The following LRRC7 variants were observed in gnomAD, a reference collection of about 807,000 sequenced individuals.
LRRC7 encodes the protein leucine-rich repeat-containing protein 7.
Under a neutral mutation model 175.7 loss-of-function variants are expected in LRRC7, and 23 were observed. That is an observed-to-expected ratio of 0.13 (90% CI 0.09 to 0.19). The LOEUF (loss-of-function observed/expected upper bound fraction) is 0.19, where lower values mean the gene tolerates loss of function less well. Among genes scored for constraint, LRRC7 ranks in the 10% least tolerant of loss-of-function variants. The pLI is 1.00. For missense variants in LRRC7, 1,354 were observed against 1,904.7 expected, an observed-to-expected ratio of 0.71 and a Z score of 5.38; for synonymous variants, 685 against 680.9, an observed-to-expected ratio of 1.01 and a Z score of -0.09.
intron 1 of LRRC7, among the ~76,000 whole-genome samples, chr1:69,629,077 A>G (rs572812975): frequency 6.6e-5 from 10 of 152,134 alleles, no homozygotes; most frequent in Non-Finnish European, 1.5e-4. Context: ...TTTTTTAGCT[A>G]TAACACCAAA....
chr1:69,667,724 A>T (rs1220280204), intron 1 of LRRC7, among the ~76,000 whole-genome samples: 1 of 152,196 alleles, frequency 6.6e-6, no homozygotes, highest in Non-Finnish European at 1.5e-5. Flanking sequence ...CTTGAAAGCA[A>T]CAGATCATTG....
rs751755069 is a variant in LRRC7 at position 70,038,912 on chromosome 1, T to C, written c.3088T>C (p.Ser1030Pro). Residue 1030 changes from serine (S) to proline (P), a missense_variant, in exon 21 of 27, where the codon TCC becomes CCC. This residue lies in a region of LRRC7 where 1,032 missense variants were observed against 1,227.2 expected (regional missense o/e 0.84). Coordinates refer to ENST00000651989, the MANE Select transcript of LRRC7 (RefSeq NM_001370785.2). ...DKMLGPEHGMSSMSRSQSVPM... is the reference protein window; with the variant it reads ...DKMLGPEHGMPSMSRSQSVPM... ...GATGCTGGGACCAGAGCATGGTATG[T>C]CCAGTATGTCTCGAAGCCAGTCAGT... 3.0e-5 allele frequency: 49 copies of C among 1,613,834 alleles called. No individual in the cohort carries two copies. Among genetic ancestry groups the C allele is most frequent in the Non-Finnish European group, 4.1e-5 (48 of 1,179,990 alleles).
Position 70,039,136 on chromosome 1 carries a change from C to T in LRRC7, c.3312C>T (p.Ile1104=), listed in dbSNP as rs373995293. The T allele has an allele frequency of 1.6e-5, 26 of 1,614,130 alleles. No individual in the cohort carries two copies. Among genetic ancestry groups the T allele is most frequent in the African/African-American group, 2.7e-5 (2 of 75,050 alleles). Residue 1104 remains isoleucine, a synonymous_variant, in exon 21 of 27, where the codon ATC becomes ATT. Coordinates refer to ENST00000651989, the MANE Select transcript of LRRC7 (RefSeq NM_001370785.2). ...ACGTGCAACAGGCCAGCAAAAACAT[C>T]GCCAAGGATTTGATTAGTCCTAGAG... ...PEYVQQASKN[I]AKDLISPRAY... is the part of the protein sequence containing the mutation.
intron 7 of LRRC7, among the ~76,000 whole-genome samples, chr1:69,897,999 A>G (rs1646028065): frequency 6.6e-6 from 1 of 152,224 alleles, no homozygotes; most frequent in South Asian, 2.1e-4. Context: ...CATGGTAACC[A>G]GTTAACAAAG....
Position 70,143,643 on chromosome 1 carries a change from G to C in LRRC7, c.*21756G>C, listed in dbSNP as rs1667173586. 6.6e-6 allele frequency: 1 copy of C among 151,928 alleles called. No homozygotes were observed. The highest frequency in any genetic ancestry group is 1.5e-5 in the Non-Finnish European group (1 of 67,980). 9.4% of individuals were successfully genotyped at this position (151,928 alleles called of 1,614,324 possible). ...GCTGTATACAAATTCGGGTGGGAGGGGGCAGGAAACACCTCTTCACATTTA... is the reference window on the plus strand; with the variant it reads ...GCTGTATACAAATTCGGGTGGGAGGCGGCAGGAAACACCTCTTCACATTTA... On this transcript the variant is annotated 3_prime_UTR_variant, in exon 27 of 27. Transcript: ENST00000651989.
intron 1 of LRRC7, among the ~76,000 whole-genome samples, chr1:69,619,119 A>G (rs1650154505): frequency 6.6e-6 from 1 of 151,986 alleles, no homozygotes; most frequent in Non-Finnish European, 1.5e-5. Context: ...CTTTGCTCCA[A>G]TCCATCAAAA....
At chr1:69,996,974 G>A (rs746092042) in intron 11 of LRRC7, among the ~76,000 whole-genome samples, 2 of 152,152 alleles carry the variant, frequency 1.3e-5, no homozygotes, top group Non-Finnish European at 2.9e-5. Flanking sequence ...CATTGAATCT[G>A]TAAATTACCT....
chr1:69,642,234 A>G (rs1187548684), intron 1 of LRRC7, among the ~76,000 whole-genome samples: 2 of 151,988 alleles, frequency 1.3e-5, no homozygotes, highest in Admixed American at 6.6e-5. Context: ...TGGGTACCAT[A>G]TCAGAGAGAA....
At chr1:69,760,431 G>C (rs1201150361) in intron 3 of LRRC7, 38 bp downstream of exon 3, 1 of 1,523,784 alleles carries the variant, frequency 6.6e-7, no homozygotes, top group Admixed American at 1.7e-5. Flanking sequence ...ATGTAAATGA[G>C]TATTTCATAA....
At chr1:70,072,363 T>C (rs1219711793) in intron 23 of LRRC7, among the ~76,000 whole-genome samples, 1 of 152,234 alleles carries the variant, frequency 6.6e-6, no homozygotes, top group Non-Finnish European at 1.5e-5. Flanking sequence ...TTCTTTGAAC[T>C]TCATCATGAA....
At chr1:69,694,657 G>T (rs971246576) in intron 2 of LRRC7, among the ~76,000 whole-genome samples, 33 of 152,030 alleles carry the variant, frequency 2.2e-4, no homozygotes, top group African/African-American at 8.0e-4. Context: ...TGAATGACTT[G>T]GTGTTGTTCT....
chr1:70,022,155 T>A (rs927511893), intron 16 of LRRC7: 3 of 152,156 alleles, frequency 2.0e-5, no homozygotes, highest in East Asian at 1.9e-4. Flanking sequence ...ATTTGGGTTT[T>A]AAAAAAAATG....
At chr1:69,749,047 T>C (rs2100887397) in intron 2 of LRRC7, among the ~76,000 whole-genome samples, 1 of 152,332 alleles carries the variant, frequency 6.6e-6, no homozygotes, top group South Asian at 2.1e-4. Context: ...TATTACTGAA[T>C]TAGAACTTGT....
chr1:69,833,333 G>A (rs1056081226), intron 5 of LRRC7, among the ~76,000 whole-genome samples: 5 of 151,912 alleles, frequency 3.3e-5, no homozygotes, highest in Non-Finnish European at 5.9e-5. Flanking sequence ...TTGTTTTAGG[G>A]AATTAAATAT....
intron 8 of LRRC7, among the ~76,000 whole-genome samples, chr1:69,951,308 A>C (rs1283420537): frequency 2.0e-5 from 3 of 152,014 alleles, no homozygotes; most frequent in African/African-American, 4.8e-5. Flanking sequence ...GCGAAGTTGC[A>C]GAAAAAAGGG....
intron 7 of LRRC7, among the ~76,000 whole-genome samples, chr1:69,883,383 C>A (rs1264619951): frequency 8.0e-6 from 1 of 125,502 alleles, no homozygotes; most frequent in Non-Finnish European, 1.7e-5. Context: ...AGCATTTTTT[C>A]ATGTGTTTTT....
chr1:69,890,176 A>G (rs1255904136), intron 7 of LRRC7, among the ~76,000 whole-genome samples: 2 of 152,234 alleles, frequency 1.3e-5, no homozygotes, highest in Admixed American at 6.5e-5. Context: ...GCCCAGGTCC[A>G]TGTGAGGAAT....
chr1:69,886,608 C>T lies in LRRC7; in HGVS notation c.648-44899C>T, dbSNP rs61782594. ...TGTGTCTTTTAATTGGAGCATTTAGCCCATTTACATTTAAAGTTAATATTG... is the reference window on the plus strand; with the variant it reads ...TGTGTCTTTTAATTGGAGCATTTAGTCCATTTACATTTAAAGTTAATATTG... On this transcript the variant is annotated intron_variant, in intron 7 of 26. Transcript: ENST00000651989. Among the ~76,000 whole-genome samples, 1,012 of 147,886 alleles carry T rather than the reference C, an allele frequency of 6.8e-3. 14 individuals are homozygous for T. Among genetic ancestry groups the T allele is most frequent in the African/African-American group, 0.025 (948 of 38,568 alleles).
chr1:69,913,849 C>T (rs1015095946), intron 7 of LRRC7, among the ~76,000 whole-genome samples: 1 of 152,180 alleles, frequency 6.6e-6, no homozygotes, highest in South Asian at 2.1e-4. Flanking sequence ...AATCCTGGGC[C>T]TTGCAGTCTT....
Sources: gnomAD v4.1 joint callset for allele counts (sites outside exome capture counted in the v4.1 genomes callset) on GRCh38, gnomAD v4.1.1 for gene constraint, gnomAD v4.1.1 regional missense constraint, MANE v1.5 for transcripts, NCBI Gene and HGNC (gene_info 2026-07-23, HGNC 2026-07-21) for gene names.